Variants in TNKS observed in about 807,000 individuals in gnomAD.
TNKS encodes the protein tankyrase.
Under a neutral mutation model 135.8 loss-of-function variants are expected in TNKS, and 72 were observed. That is an observed-to-expected ratio of 0.53 (90% confidence interval 0.44 to 0.64). TNKS has a LOEUF of 0.64. TNKS is among the 30% of genes least tolerant of loss of function. The pLI is 0.00. For synonymous variants in TNKS, 849 were observed against 649.3 expected, an observed-to-expected ratio of 1.31 and a Z score of -4.68; for missense variants, 1,769 against 1,674.0, an observed-to-expected ratio of 1.06 and a Z score of -0.99.
Position 9,734,994 on chromosome 8 carries a change from T to C in TNKS, c.2443T>C (p.Cys815Arg). 6.2e-7 allele frequency: 1 copy of C among 1,614,182 alleles called. No homozygotes were observed. The highest frequency in any genetic ancestry group is 8.5e-7 in the Non-Finnish European group (1 of 1,180,012). The change falls in exon 16 of 27, where the codon TGC (cysteine) becomes CGC (arginine). Residue 815 changes from cysteine (C) to arginine (R), a missense_variant. Transcript: ENST00000310430. ...TTTGTTGGATGCTGCCAAGAAGGGC[T>C]GCCTGGCAAGAGTGCAGAAGCTCTG... is the stretch of plus-strand genomic sequence containing the variant. ...AALLDAAKKG[C>R]LARVQKLCTP...
Position 9,585,823 on chromosome 8 carries a change from G to A in TNKS, c.898+5440G>A, listed in dbSNP as rs534219158. Among the ~76,000 whole-genome samples the A allele has an allele frequency of 8.5e-5, 13 of 152,144 alleles. No homozygotes were observed. In the South Asian group the frequency reaches 1.2e-3, roughly 15 times the overall value. On this transcript the variant is annotated intron_variant, in intron 2 of 26. Transcript: ENST00000310430. Reference sequence around the variant, plus strand: ...CTCACTGAATATCTTTCTTGGGAGCGCAAAATTCAAGCTGCTCTTTAAAAT... The same window carrying A: ...CTCACTGAATATCTTTCTTGGGAGCACAAAATTCAAGCTGCTCTTTAAAAT...
At chr8:9,583,345 T>C (rs886263840) in intron 2 of TNKS, among the ~76,000 whole-genome samples, 1 of 152,066 alleles carries the variant, frequency 6.6e-6, no homozygotes, top group Non-Finnish European at 1.5e-5. Context: ...TTGATGACAG[T>C]TTTTATACTG....
At position 9,764,698 on chromosome 8, in the gene TNKS, A is replaced by C; in HGVS notation, c.3373-18A>C. 1 of 1,574,146 alleles carries C rather than the reference A, an allele frequency of 6.4e-7. No individual in the cohort carries two copies. Among genetic ancestry groups the C allele is most frequent in the South Asian group, 1.2e-5 (1 of 81,812 alleles). On this transcript the variant is annotated intron_variant, in intron 22 of 26. Transcript: ENST00000310430. ...CACACTGGGATGTTTTTATAAAATT[A>C]GTTATTTTGTTCTGTAGATGCAAAG... is the stretch of plus-strand genomic sequence containing the variant.
intron 4 of TNKS, 131 bp from the exon 5 acceptor site, chr8:9,680,594 G>T (rs930060148): frequency 1.7e-6 from 1 of 599,218 alleles, no homozygotes; most frequent in Non-Finnish European, 3.0e-6. Context: ...TATTGCAAAA[G>T]AGATTTATTG....
intron 5 of TNKS, among the ~76,000 whole-genome samples, chr8:9,697,677 T>C (rs961717581): frequency 1.3e-5 from 2 of 151,970 alleles, no homozygotes; most frequent in Admixed American, 6.6e-5. Context: ...CCAACAAACA[T>C]GAAAAAATGC....
intron 5 of TNKS, among the ~76,000 whole-genome samples, chr8:9,695,182 G>A (rs4240629): frequency 0.73 from 110,416 of 152,046 alleles, 40,346 homozygotes; most frequent in Middle Eastern, 0.81. Flanking sequence ...AAATTTTTGT[G>A]TTCCAGGCAC....
intron 1 of TNKS, chr8:9,566,277 G>A (rs961568406): frequency 6.6e-6 from 1 of 152,022 alleles, no homozygotes; most frequent in African/African-American, 2.4e-5. Context: ...TTCTTATTTG[G>A]AAAAAGAAAA....
intron 11 of TNKS, among the ~76,000 whole-genome samples, chr8:9,718,500 C>G (rs1804718041): frequency 6.6e-6 from 1 of 152,110 alleles, no homozygotes; most frequent in African/African-American, 2.4e-5. Flanking sequence ...TTGCCGGTTT[C>G]CAGAACTGTT....
intron 5 of TNKS, among the ~76,000 whole-genome samples, chr8:9,695,758 G>A (rs1304843923): frequency 6.6e-6 from 1 of 152,172 alleles, no homozygotes; most frequent in South Asian, 2.1e-4. Flanking sequence ...GAAGTGATTG[G>A]ATTCTGGATA....
chr8:9,614,332 A>G (rs1347641404), intron 2 of TNKS, among the ~76,000 whole-genome samples: 1 of 152,212 alleles, frequency 6.6e-6, no homozygotes, highest in African/African-American at 2.4e-5. Flanking sequence ...AAGGCTTTGT[A>G]AGATCTCACT....
chr8:9,657,280 C>T lies in TNKS; in HGVS notation c.995-22671C>T, dbSNP rs1258125490. On this transcript the variant is annotated intron_variant, in intron 3 of 26. Coordinates refer to ENST00000310430, the MANE Select transcript of TNKS (RefSeq NM_003747.3). ...CCCCCCACCTCCCTCCCGGACGGGG[C>T]GGCTGGCCGGGCGGGGGGCCGACCC... Among the ~76,000 whole-genome samples, 117 of 96,458 alleles carry T rather than the reference C, an allele frequency of 1.2e-3. 2 individuals carry two copies. Among genetic ancestry groups the T allele is most frequent in the African/African-American group, 4.1e-3 (105 of 25,518 alleles). 63.3% of individuals were successfully genotyped at this position (96,458 alleles called of 152,430 possible). A position where few individuals can be genotyped will look rare whatever the true frequency, so the allele number is the denominator to read the frequency against.
At chr8:9,687,585 C>T (rs546509307) in intron 5 of TNKS, among the ~76,000 whole-genome samples, 15 of 152,202 alleles carry the variant, frequency 9.9e-5, no homozygotes, top group Non-Finnish European at 1.5e-4. Flanking sequence ...ATGCCAAGTG[C>T]GCTGTTTTCT....
At chr8:9,581,631 A>T (rs888300767) in intron 2 of TNKS, among the ~76,000 whole-genome samples, 1 of 152,154 alleles carries the variant, frequency 6.6e-6, no homozygotes, top group Non-Finnish European at 1.5e-5. Flanking sequence ...CTCTGCTGTA[A>T]CTGCTTCTTG....
chr8:9,580,306 A>G lies in TNKS; in HGVS notation c.821A>G (p.Asp274Gly), dbSNP rs1223640870. The stretch of plus-strand genomic sequence containing the variant: ...AGTCTGTTATTGTGCCAAGGAGCTG[A>G]TCCAAATGCCAGGGATAACTGGAAC... ...VVSLLLCQGA[D>G]PNARDNWNYT... is the part of the protein sequence containing the mutation. Residue 274 changes from aspartate to glycine, a missense_variant, in exon 2 of 27, where the codon GAT becomes GGT. By Grantham distance (94) the Asp-to-Gly change is moderately conservative. This residue lies in a region of TNKS where 523 missense variants were observed against 541.0 expected (regional missense o/e 0.97). Transcript: ENST00000310430. 2.5e-6 allele frequency: 4 copies of G among 1,614,176 alleles called. No individual in the cohort carries two copies. Among genetic ancestry groups the G allele is most frequent in the Admixed American group, 1.7e-5 (1 of 60,008 alleles).
chr8:9,770,770 C>T (rs1052245785), intron 26 of TNKS, among the ~76,000 whole-genome samples: 4 of 152,180 alleles, frequency 2.6e-5, no homozygotes, highest in African/African-American at 9.7e-5. Context: ...TGCCTTCAGT[C>T]ATGGGCAGGG....
chr8:9,704,828 G>C, intron 6 of TNKS, 71 bp downstream of exon 6: 2 of 1,226,728 alleles, frequency 1.6e-6, no homozygotes, highest in Admixed American at 1.8e-5. Context: ...TAAAACACTA[G>C]ACAAAGTCAT....
rs1487891410 is a variant in TNKS at position 9,704,658 on chromosome 8, T to C, written c.1108-5T>C. The C allele has an allele frequency of 3.7e-6, 6 of 1,609,250 alleles. No homozygotes were observed. Among genetic ancestry groups the C allele is most frequent in the Non-Finnish European group, 4.2e-6 (5 of 1,177,524 alleles). On this transcript the variant is annotated splice_polypyrimidine_tract_variant and splice_region_variant and intron_variant, in intron 5 of 26. Coordinates refer to ENST00000310430, the MANE Select transcript of TNKS (RefSeq NM_003747.3). ...ACCTGAAAAGGGGATGTTTTTCTTT[T>C]CTAGTCGACTCCTTTACATCTAGCA...
In TNKS at chr8:9,708,518, C is replaced by A. The variant is rs546052803; in HGVS notation, c.1578+26C>A. On this transcript the variant is annotated intron_variant, in intron 9 of 26. Transcript: ENST00000310430. ...GTAAGATTTTATTGTTAATCTATTC[C>A]CTGTGTCTATAATAATAACGTAAGC... 1.9e-5 allele frequency: 30 copies of A among 1,549,178 alleles called. No homozygotes were observed. The South Asian group carries it at 3.3e-4, about 17-fold the overall frequency.
At chr8:9,764,623 C>T (rs1377125044) in intron 22 of TNKS, 93 bp from the exon 23 acceptor site, 2 of 866,028 alleles carry the variant, frequency 2.3e-6, no homozygotes, top group Non-Finnish European at 3.4e-6. Context: ...ATAGTGAACT[C>T]CTATTTATTT....
Sources: allele counts gnomAD v4.1 joint callset (sites outside exome capture counted in the v4.1 genomes callset), GRCh38; gene constraint gnomAD v4.1.1; regional missense constraint gnomAD v4.1.1; transcripts MANE v1.5; gene names NCBI Gene and HGNC (gene_info 2026-07-23, HGNC 2026-07-21).